TMEM143: variants seen among roughly 807,000 people sequenced by gnomAD.
TMEM143 encodes the protein transmembrane protein 143.
TMEM143 carries 45 observed loss-of-function variants against 40.3 expected under a neutral mutation model. The observed-to-expected ratio is 1.12, with a 90% CI of 0.88 to 1.43. The LOEUF (loss-of-function observed/expected upper bound fraction) is 1.43. Among genes scored for constraint, TMEM143 ranks in the 40% most tolerant of loss-of-function variants. The pLI is 0.00. For synonymous variants in TMEM143, 299 were observed against 282.7 expected, an observed-to-expected ratio of 1.06 and a Z score of -0.58; for missense variants, 620 against 613.4, an observed-to-expected ratio of 1.01 and a Z score of -0.11.
At chr19:48,342,369 G>A (rs1969514492) in intron 6 of TMEM143, among the ~76,000 whole-genome samples, 161 bp downstream of exon 6, 2 of 116,930 alleles carry the variant, frequency 1.7e-5, no homozygotes, top group Admixed American at 1.6e-4. Flanking sequence ...AGGGAGGGAA[G>A]GGAAGGGAAA....
chr19:48,335,877 G>C (rs1457534312), intron 6 of TMEM143, among the ~76,000 whole-genome samples: 2 of 152,226 alleles, frequency 1.3e-5, no homozygotes, highest in East Asian at 1.9e-4. Context: ...CTGGGCAACA[G>C]AGTGAGACCC....
At chr19:48,342,294 G>T (rs1284235717) in intron 6 of TMEM143, among the ~76,000 whole-genome samples, 1 of 143,206 alleles carries the variant, frequency 7.0e-6, no homozygotes, top group Non-Finnish European at 1.5e-5. Context: ...GAGGGAGGAA[G>T]GAAGGAAGGA....
At chr19:48,357,349 CTTTTTTTTTTT>C in intron 3 of TMEM143, among the ~76,000 whole-genome samples, 1 of 74,828 alleles carries the variant, frequency 1.3e-5, no homozygotes, top group South Asian at 5.4e-4. Flanking sequence ...GTCTATCTTT[CTTTTTTTTTTT>C]TTTTTTTTTT....
At chr19:48,336,961 C>T (rs182724458) in intron 6 of TMEM143, among the ~76,000 whole-genome samples, 43 of 151,132 alleles carry the variant, frequency 2.8e-4, no homozygotes, top group African/African-American at 1.0e-3. Flanking sequence ...GCGGAGCTTG[C>T]AGTGAGCTGA....
At position 48,342,779 on chromosome 19, in the gene TMEM143, G is replaced by A. The variant is rs1230394329; in HGVS notation, c.726C>T (p.Ala242=). The A allele has an allele frequency of 6.2e-7, 1 of 1,609,200 alleles. No individual in the cohort carries two copies. Residue 242 remains alanine, a synonymous_variant, in exon 6 of 8, where the codon GCC becomes GCT. Transcript: ENST00000293261. ...GTACCAGGTGTCCCCGTTTGGTCCG[G>A]GCTGCCAGGACCACCCGCTTAAAGT... The part of the protein sequence containing the change: ...RRYFKRVVLA[A]RTKRGHLVLK...
chr19:48,351,969 C>T (rs914677785), intron 3 of TMEM143, among the ~76,000 whole-genome samples: 3 of 151,982 alleles, frequency 2.0e-5, no homozygotes, highest in Admixed American at 6.6e-5. Flanking sequence ...TGTCTGCAGC[C>T]GGGCGCGGTG....
chr19:48,343,479 C>A, intron 4 of TMEM143, 28 bp from the exon 5 acceptor site: 2 of 1,554,070 alleles, frequency 1.3e-6, no homozygotes, highest in Non-Finnish European at 1.7e-6. Flanking sequence ...GAAGCAGTGG[C>A]GGGTGAACAT....
chr19:48,332,411 G>C lies in TMEM143; in HGVS notation c.*808C>G, dbSNP rs73047568. 0.13 allele frequency: 19,745 copies of C among 152,290 alleles called. 1,493 individuals carry two copies. The highest frequency in any genetic ancestry group is 0.21 in the East Asian group (1,068 of 5,188). 9.4% of individuals were successfully genotyped at this position (152,290 alleles called of 1,614,324 possible). A position where few individuals can be genotyped will look rare whatever the true frequency, so the allele number is the denominator to read the frequency against. ...GGACAGGAGACGGGAGAAATTGATA[G>C]ACCAATAAATATTGCACAGGCTGCT... On this transcript the variant is annotated 3_prime_UTR_variant, in exon 8 of 8. Transcript: ENST00000293261.
chr19:48,336,236 G>A (rs1466420237), intron 6 of TMEM143, among the ~76,000 whole-genome samples: 3 of 151,960 alleles, frequency 2.0e-5, no homozygotes, highest in Non-Finnish European at 4.4e-5. Context: ...ACAAAAATTA[G>A]ACCTGGCACG....
intron 3 of TMEM143, 78 bp downstream of exon 3, chr19:48,359,994 A>C (rs1600928027): frequency 7.0e-7 from 1 of 1,428,168 alleles, no homozygotes; most frequent in Non-Finnish European, 9.7e-7. Context: ...CCAGGCTCCA[A>C]GAAGGTGTCA....
intron 2 of TMEM143, among the ~76,000 whole-genome samples, chr19:48,362,086 GTATGTGTA>G (rs1288058906): frequency 1.3e-5 from 2 of 152,066 alleles, no homozygotes; most frequent in Non-Finnish European, 2.9e-5. Context: ...GTGTGCATTT[GTATGTGTA>G]TATTTGTGTA....
chr19:48,341,777 T>C (rs1373531331), intron 6 of TMEM143, among the ~76,000 whole-genome samples: 2 of 152,040 alleles, frequency 1.3e-5, no homozygotes, highest in African/African-American at 2.4e-5. Context: ...CCAGGAAGTC[T>C]GCTTCCAGAA....
intron 3 of TMEM143, among the ~76,000 whole-genome samples, chr19:48,347,869 T>A (rs76832891): frequency 2.3e-4 from 34 of 146,272 alleles, no homozygotes; most frequent in Admixed American, 4.1e-4. Context: ...TTTTTTTTTT[T>A]AATTAGCCAG....
chr19:48,361,077 C>T (rs1268880014), intron 2 of TMEM143, among the ~76,000 whole-genome samples: 1 of 151,958 alleles, frequency 6.6e-6, no homozygotes, highest in African/African-American at 2.4e-5. Context: ...CCACCATACC[C>T]CCAAGGTTGA....
Position 48,345,304 on chromosome 19 carries a change from T to C in TMEM143, c.420A>G (p.Ser140=), listed in dbSNP as rs776876567. The C allele has an allele frequency of 1.9e-6, 3 of 1,601,878 alleles. No individual in the cohort carries two copies. The highest frequency in any genetic ancestry group is 1.7e-6 in the Non-Finnish European group (2 of 1,174,420). ...NPDRETLDQP[S]LTDPQRLSNE... ...TAGACAGACGCTGGGGATCCGTTAG[T>C]GATGGCTGATCGAGGGTCTCCCTGT... The change falls in exon 4 of 8, where the codon TCA becomes TCG. Residue 140 remains serine (S), a synonymous_variant. Coordinates refer to ENST00000293261, the MANE Select transcript of TMEM143 (RefSeq NM_018273.4).
intron 6 of TMEM143, among the ~76,000 whole-genome samples, chr19:48,334,418 CTTTCTTTCTTT>C (rs1969299397): frequency 7.4e-5 from 1 of 13,474 alleles, no homozygotes; most frequent in East Asian, 2.9e-3. Flanking sequence ...CTTTTTCTCT[CTTTCTTTCTTT>C]CTTTCTTTCT....
At chr19:48,341,070 A>G (rs542006855) in intron 6 of TMEM143, among the ~76,000 whole-genome samples, 5 of 152,272 alleles carry the variant, frequency 3.3e-5, no homozygotes, top group African/African-American at 1.2e-4. Context: ...CAGCCTTCCT[A>G]AGAGCCTGTC....
At chr19:48,360,227 A>G in intron 2 of TMEM143, 51 bp from the exon 3 acceptor site, 12 of 1,564,724 alleles carry the variant, frequency 7.7e-6, no homozygotes, top group Non-Finnish European at 1.1e-5. Flanking sequence ...CCCTTCCCCG[A>G]GGGAAAGAAT....
chr19:48,357,857 A>T (rs1969945163), intron 3 of TMEM143, among the ~76,000 whole-genome samples: 1 of 151,716 alleles, frequency 6.6e-6, no homozygotes, highest in Non-Finnish European at 1.5e-5. Context: ...TTCTCACTTT[A>T]TAAGTGGAAG....
Sources: gnomAD v4.1 joint callset for allele counts (sites outside exome capture counted in the v4.1 genomes callset) on GRCh38, gnomAD v4.1.1 for gene constraint, MANE v1.5 for transcripts, NCBI Gene and HGNC (gene_info 2026-07-23, HGNC 2026-07-21) for gene names.